The following SH3BP4 variants were observed in gnomAD, a reference collection of about 807,000 sequenced individuals.
SH3BP4 encodes SH3 domain binding protein 4.
In SH3BP4, 33 loss-of-function variants were observed where a neutral mutation model predicts 65.5. That is an observed-to-expected ratio of 0.50 (90% confidence interval 0.38 to 0.67). The LOEUF is 0.67. Among genes scored for constraint, SH3BP4 ranks in the 30% least tolerant of loss-of-function variants. The pLI, the probability that SH3BP4 is intolerant of heterozygous loss-of-function variation, is 0.00. For synonymous variants in SH3BP4, 552 were observed against 545.5 expected (o/e 1.01, Z -0.17); for missense variants, 1,134 against 1,261.4 (o/e 0.90, Z 1.53).
At chr2:234,993,896 C>T (rs149971298) in intron 1 of SH3BP4, among the ~76,000 whole-genome samples, 194 of 152,336 alleles carry the variant, frequency 1.3e-3, no homozygotes, top group Non-Finnish European at 2.0e-3. Context: ...GCTGTGGTGG[C>T]ACCTGCAGTC....
At chr2:235,002,107 C>T (rs1256638682) in intron 2 of SH3BP4, among the ~76,000 whole-genome samples, 3 of 152,172 alleles carry the variant, frequency 2.0e-5, no homozygotes, top group Non-Finnish European at 2.9e-5. Flanking sequence ...GCGACCCGCC[C>T]GCCTCGGCCT....
chr2:235,047,703 G>A (rs1263908723), intron 4 of SH3BP4, among the ~76,000 whole-genome samples: 1 of 152,208 alleles, frequency 6.6e-6, no homozygotes, highest in Admixed American at 6.5e-5. Context: ...GGCCCAGGGA[G>A]AACTTCCTAA....
intron 2 of SH3BP4, among the ~76,000 whole-genome samples, chr2:234,996,831 T>G (rs1268441865): frequency 2.0e-5 from 3 of 152,220 alleles, no homozygotes; most frequent in Non-Finnish European, 4.4e-5. Context: ...GACTTTGCAT[T>G]TGGGGCATCG....
intron 2 of SH3BP4, among the ~76,000 whole-genome samples, chr2:235,021,219 G>A (rs1358968755): frequency 1.3e-5 from 2 of 152,194 alleles, no homozygotes; most frequent in Admixed American, 6.5e-5. Flanking sequence ...ATAGTATAAA[G>A]ATGTCACTTC....
chr2:235,004,793 G>T (rs1403285723), intron 2 of SH3BP4, among the ~76,000 whole-genome samples: 1 of 152,192 alleles, frequency 6.6e-6, no homozygotes. Context: ...GGACATTTGG[G>T]TCGTTGCCAC....
intron 1 of SH3BP4, among the ~76,000 whole-genome samples, chr2:234,990,450 T>C (rs370077250): frequency 6.6e-6 from 1 of 152,366 alleles, no homozygotes; most frequent in African/African-American, 2.4e-5. Context: ...CAAGAATGTG[T>C]CCCATAACTA....
At chr2:235,036,484 G>A (rs1316324737) in intron 3 of SH3BP4, among the ~76,000 whole-genome samples, 2 of 152,062 alleles carry the variant, frequency 1.3e-5, no homozygotes, top group Non-Finnish European at 1.5e-5. Context: ...GGCTGGGCGC[G>A]GTGGCTCACG....
rs1260941069 is a variant in SH3BP4, at chr2:235,035,690, A to G, written c.118+570A>G. ...TTGGCCCCAGGGCCGTGCTTTACCA[A>G]CCCCTGATCTAGAAGGTGGTTCTAA... On this transcript the variant is annotated intron_variant, in intron 3 of 5. Transcript: ENST00000392011. The surrounding 1 kb of genome is among the most constrained non-coding windows in gnomAD (Gnocchi z 5.0). Among the ~76,000 whole-genome samples, 1 of 152,078 alleles carries G rather than the reference A, an allele frequency of 6.6e-6. No homozygotes were observed. The highest frequency in any genetic ancestry group is 1.5e-5 in the Non-Finnish European group (1 of 68,024).
intron 2 of SH3BP4, among the ~76,000 whole-genome samples, chr2:235,029,535 G>A (rs1695110575): frequency 6.6e-6 from 1 of 152,182 alleles, no homozygotes; most frequent in African/African-American, 2.4e-5. Flanking sequence ...GCCAAGGGGA[G>A]ATAGCCACAC....
intron 2 of SH3BP4, among the ~76,000 whole-genome samples, chr2:235,031,224 G>A (rs1487155194): frequency 1.3e-5 from 2 of 152,088 alleles, no homozygotes; most frequent in East Asian, 3.9e-4. Context: ...TTGTTGACTC[G>A]TCTTCCTTGA....
At chr2:235,053,298 C>G (rs1477227027) in intron 5 of SH3BP4, among the ~76,000 whole-genome samples, 2 of 152,186 alleles carry the variant, frequency 1.3e-5, no homozygotes, top group Non-Finnish European at 2.9e-5. Flanking sequence ...AATTTCCAAA[C>G]AAATGGCACA....
intron 1 of SH3BP4, among the ~76,000 whole-genome samples, chr2:234,990,798 C>T (rs943570631): frequency 1.3e-5 from 2 of 152,232 alleles, no homozygotes; most frequent in African/African-American, 4.8e-5. Context: ...GGCTGGAAGT[C>T]CAAGATGAGT....
rs1693094510 is a variant in SH3BP4 at position 234,974,118 on chromosome 2, C to T, written c.-206-21185C>T. ...CAGTGGCTCACCCCTGTAATCCCAG[C>T]ACTTTGGGAGGCCGAGGCAGGTGGA... On this transcript the variant is annotated intron_variant, in intron 1 of 5. Transcript: ENST00000392011. This position sits in a 1 kb window ranked among gnomAD's most constrained non-coding sequence, Gnocchi z 4.6. Among the ~76,000 whole-genome samples the T allele has an allele frequency of 6.6e-6, 1 of 152,114 alleles. No individual in the cohort carries two copies. The highest frequency in any genetic ancestry group is 1.5e-5 in the Non-Finnish European group (1 of 68,042).
chr2:234,980,152 C>A (rs1295529262), intron 1 of SH3BP4, among the ~76,000 whole-genome samples: 2 of 152,138 alleles, frequency 1.3e-5, no homozygotes, highest in East Asian at 3.8e-4. Flanking sequence ...TGTGCCTTTC[C>A]CCTGTAAGTA....
chr2:234,996,872 G>A (rs1161316115), intron 2 of SH3BP4, among the ~76,000 whole-genome samples: 4 of 152,226 alleles, frequency 2.6e-5, no homozygotes, highest in Admixed American at 2.6e-4. Context: ...AGCAAAGCAG[G>A]AGGAGGTTAA....
At chr2:234,989,639 G>T (rs1232620042) in intron 1 of SH3BP4, among the ~76,000 whole-genome samples, 1 of 152,170 alleles carries the variant, frequency 6.6e-6, no homozygotes, top group Admixed American at 6.5e-5. Context: ...CACTGTTTTG[G>T]TTGCACAGAA....
chr2:234,999,453 T>C (rs559709544), intron 2 of SH3BP4, among the ~76,000 whole-genome samples: 1 of 152,308 alleles, frequency 6.6e-6, no homozygotes, highest in East Asian at 1.9e-4. Context: ...GTGTTTGGAA[T>C]TGTCCCCCAC....
In SH3BP4 at chr2:234,985,948, T is replaced by C. The variant is rs536542677; in HGVS notation, c.-206-9355T>C. Among the ~76,000 whole-genome samples, 136 of 148,018 alleles carry C rather than the reference T, an allele frequency of 9.2e-4. 1 individual carries two copies. The highest frequency in any genetic ancestry group is 3.3e-3 in the African/African-American group (125 of 38,386). On this transcript the variant is annotated intron_variant, in intron 1 of 5. Coordinates refer to ENST00000392011, the MANE Select transcript of SH3BP4 (RefSeq NM_014521.3). ...GACCATGTGCAGGTGAACCAGCCCT[T>C]GATATACATCTATGAGCGCAGAGAC...
rs777502100 is a variant in SH3BP4, at chr2:235,026,612, G to A, written c.-132-8259G>A. On this transcript the variant is annotated intron_variant, in intron 2 of 5. Coordinates refer to ENST00000392011, the MANE Select transcript of SH3BP4 (RefSeq NM_014521.3). The surrounding 1 kb of genome is among the most constrained non-coding windows in gnomAD (Gnocchi z 4.6). ...CCTCGTTGCTAGAGCCTGGCACTCC[G>A]TAGATGTTCACTAAGGTGACCTCTG... Among the ~76,000 whole-genome samples the A allele has an allele frequency of 3.3e-5, 5 of 152,158 alleles. No homozygotes were observed. Among genetic ancestry groups the A allele is most frequent in the African/African-American group, 4.8e-5 (2 of 41,430 alleles).
Sources: gnomAD v4.1 joint callset for allele counts (sites outside exome capture counted in the v4.1 genomes callset) on GRCh38, gnomAD v4.1.1 for gene constraint, Gnocchi (gnomAD v3.1) non-coding constraint, MANE v1.5 for transcripts, NCBI Gene and HGNC (gene_info 2026-07-23, HGNC 2026-07-21) for gene names.